The following GRAMD1C variants were observed in gnomAD, a reference collection of about 807,000 sequenced individuals.
The protein encoded by GRAMD1C is GRAM domain containing 1C.
Under a neutral mutation model 97.8 loss-of-function variants are expected in GRAMD1C, and 89 were observed. The observed-to-expected ratio is 0.91, with a 90% CI of 0.77 to 1.09. The LOEUF (loss-of-function observed/expected upper bound fraction) is 1.09. GRAMD1C is among the 50% of genes least tolerant of loss of function. GRAMD1C has a pLI of 0.00. For missense variants in GRAMD1C, 740 were observed against 766.4 expected (o/e 0.97, Z 0.41); for synonymous variants, 256 against 267.0 (o/e 0.96, Z 0.40).
rs990599193 is a variant in GRAMD1C at position 113,838,880 on chromosome 3, G to C, written c.-30G>C. 1 of 1,229,976 alleles carries C rather than the reference G, an allele frequency of 8.1e-7. No homozygotes were observed. Among genetic ancestry groups the C allele is most frequent in the Non-Finnish European group, 1.0e-6 (1 of 984,966 alleles). The allele number at this position is 1,229,976 out of a possible 1,614,324, so 76.2% of individuals were successfully genotyped here. On this transcript the variant is annotated 5_prime_UTR_variant, in exon 1 of 18. Transcript: ENST00000358160. ...GGGCGGTGCGGTGCGGTGCGCGCGG[G>C]GCGGTGCCGCGGCGGCGGAGGGAGC...
chr3:113,843,842 G>T (rs1269009659), intron 1 of GRAMD1C, among the ~76,000 whole-genome samples: 2 of 152,154 alleles, frequency 1.3e-5, no homozygotes, highest in Non-Finnish European at 2.9e-5. Flanking sequence ...GGACGGTGAG[G>T]TTATTTCCAC....
intron 6 of GRAMD1C, chr3:113,890,638 C>G (rs142710972): frequency 1.6e-6 from 1 of 640,220 alleles, no homozygotes; most frequent in Non-Finnish European, 2.9e-6. Flanking sequence ...TTGTTGAGTG[C>G]TCAGAATCCG....
rs9990079 is a variant in GRAMD1C, at chr3:113,838,843, G to A, written c.-67G>A. ...AGCCTGTAACTCGCAGCGCGCGCTGGAGGTGGGCGCGGGGCGGTGCGGTGC... is the reference window on the plus strand; with the variant it reads ...AGCCTGTAACTCGCAGCGCGCGCTGAAGGTGGGCGCGGGGCGGTGCGGTGC... On this transcript the variant is annotated 5_prime_UTR_variant, in exon 1 of 18. Coordinates refer to ENST00000358160, the MANE Select transcript of GRAMD1C (RefSeq NM_017577.5). 292,871 of 1,164,336 alleles carry A rather than the reference G, an allele frequency of 0.25. 37,886 individuals are homozygous for A. Among genetic ancestry groups the A allele is most frequent in the East Asian group, 0.31 (9,419 of 30,430 alleles). The allele number at this position is 1,164,336 out of a possible 1,614,324, so 72.1% of individuals were successfully genotyped here. A position where few individuals can be genotyped will look rare whatever the true frequency, so the allele number is the denominator to read the frequency against.
In GRAMD1C at chr3:113,844,445, C is replaced by T. The variant is rs1454277650; in HGVS notation, c.28-58C>T. ...ATATGTTGTGAACATTAACTTTTTT[C>T]TTTTTAAAATGGCCATTTCTCAATA... On this transcript the variant is annotated intron_variant, in intron 1 of 17. Coordinates refer to ENST00000358160, the MANE Select transcript of GRAMD1C (RefSeq NM_017577.5). 5.9e-6 allele frequency: 7 copies of T among 1,193,890 alleles called. No homozygotes were observed. In the African/African-American group the frequency reaches 6.1e-5, roughly 10 times the overall value. The allele number at this position is 1,193,890 out of a possible 1,614,324, so 74.0% of individuals were successfully genotyped here.
At chr3:113,886,064 G>C in intron 6 of GRAMD1C, 1 of 1,363,072 alleles carries the variant, frequency 7.3e-7, no homozygotes, top group South Asian at 1.2e-5. Context: ...GTTGGGGTGG[G>C]GGGGCGGGGG....
chr3:113,838,200 T>C (rs1445047241), upstream of GRAMD1C, among the ~76,000 whole-genome samples: 1 of 152,224 alleles, frequency 6.6e-6, no homozygotes, highest in Non-Finnish European at 1.5e-5. Flanking sequence ...CTCGGCATTT[T>C]ATTTTTGGTT....
chr3:113,912,944 A>C, intron 9 of GRAMD1C: 1 of 251,108 alleles, frequency 4.0e-6, no homozygotes, highest in Non-Finnish European at 7.9e-6. Flanking sequence ...TTAAGTAGGC[A>C]TTTTAAGGAC....
At chr3:113,898,865 A>G (rs1316042166) in intron 6 of GRAMD1C, among the ~76,000 whole-genome samples, 5 of 152,140 alleles carry the variant, frequency 3.3e-5, no homozygotes, top group Non-Finnish European at 5.9e-5. Context: ...AATTTTCATC[A>G]TCTGCTCTTG....
At chr3:113,912,258 T>C (rs1249769392) in intron 9 of GRAMD1C, among the ~76,000 whole-genome samples, 1 of 152,136 alleles carries the variant, frequency 6.6e-6, no homozygotes, top group Non-Finnish European at 1.5e-5. Context: ...TTATATATAA[T>C]ACCCAGCACA....
chr3:113,876,777 C>G (rs943469128), intron 5 of GRAMD1C, among the ~76,000 whole-genome samples: 1 of 149,768 alleles, frequency 6.7e-6, no homozygotes, highest in Non-Finnish European at 1.5e-5. Context: ...TTGGTTAGGG[C>G]CCTGTGTGAG....
chr3:113,843,403 C>T (rs888889742), intron 1 of GRAMD1C, among the ~76,000 whole-genome samples: 6 of 150,350 alleles, frequency 4.0e-5, no homozygotes, highest in South Asian at 2.1e-4. Flanking sequence ...GGCTACTCCT[C>T]CTTACTCCCC....
At chr3:113,887,093 T>G (rs1330729621) in intron 6 of GRAMD1C, among the ~76,000 whole-genome samples, 27 of 121,162 alleles carry the variant, frequency 2.2e-4, no homozygotes, top group Admixed American at 5.9e-4. Context: ...TTGTTTTTTT[T>G]TTGTTTTTTT....
chr3:113,838,025 G>A (rs1709667702), upstream of GRAMD1C, among the ~76,000 whole-genome samples: 4 of 152,186 alleles, frequency 2.6e-5, no homozygotes, highest in Admixed American at 2.6e-4. Context: ...GCAGGTGTCC[G>A]AGGCAATAGA....
At chr3:113,931,732 C>T (rs1937436429) in intron 11 of GRAMD1C, among the ~76,000 whole-genome samples, 1 of 152,060 alleles carries the variant, frequency 6.6e-6, no homozygotes, top group Non-Finnish European at 1.5e-5. Context: ...AGTTTGAGAT[C>T]AGACTGCGCA....
Position 113,875,472 on chromosome 3 carries a change from T to C in GRAMD1C, c.260-12T>C. 2 of 1,122,184 alleles carry C rather than the reference T, an allele frequency of 1.8e-6. No individual in the cohort carries two copies. The highest frequency in any genetic ancestry group is 2.7e-6 in the Non-Finnish European group (2 of 731,710). 69.5% of individuals were successfully genotyped at this position (1,122,184 alleles called of 1,614,324 possible). On this transcript the variant is annotated splice_polypyrimidine_tract_variant and intron_variant, in intron 3 of 17. Coordinates refer to ENST00000358160, the MANE Select transcript of GRAMD1C (RefSeq NM_017577.5). ...TTCGTGAATAAGCTGTATCTTATTT[T>C]TGTGTATATAGATTATGCTTGTGCT... is the stretch of plus-strand genomic sequence containing the variant.
intron 9 of GRAMD1C, among the ~76,000 whole-genome samples, chr3:113,914,358 C>T (rs1399535674): frequency 6.6e-6 from 1 of 152,138 alleles, no homozygotes. Context: ...CTTTATGCCT[C>T]TAGCAAAATA....
chr3:113,894,762 CTT>C (rs34516785), intron 6 of GRAMD1C, among the ~76,000 whole-genome samples: 146 of 152,276 alleles, frequency 9.6e-4, no homozygotes, highest in African/African-American at 2.9e-3. Context: ...GACAGAATGT[CTT>C]TTCATCTTAT....
At chr3:113,896,630 T>C (rs1001325978) in intron 6 of GRAMD1C, among the ~76,000 whole-genome samples, 14 of 152,256 alleles carry the variant, frequency 9.2e-5, no homozygotes, top group Admixed American at 6.5e-4. Flanking sequence ...CTAAAAGCAC[T>C]GCCTTTTAGA....
Position 113,885,206 on chromosome 3 carries a change from G to A in GRAMD1C, c.540+2374G>A, listed in dbSNP as rs898553767. The A allele has an allele frequency of 5.0e-5, 38 of 760,230 alleles. 2 individuals carry two copies. Among genetic ancestry groups the A allele is most frequent in the South Asian group, 4.5e-4 (27 of 60,256 alleles). The allele number at this position is 760,230 out of a possible 1,614,324, so 47.1% of individuals were successfully genotyped here. On this transcript the variant is annotated intron_variant, in intron 6 of 17. Transcript: ENST00000358160. The stretch of plus-strand genomic sequence containing the variant: ...TTCTCTCCTGCCACTTGGGGCCCCC[G>A]TTCCCCCTCCCTTCGGCGGGGGTTG...
Sources: allele counts gnomAD v4.1 joint callset (sites outside exome capture counted in the v4.1 genomes callset), GRCh38; gene constraint gnomAD v4.1.1; transcripts MANE v1.5; gene names NCBI Gene and HGNC (gene_info 2026-07-23, HGNC 2026-07-21).